Variants in C5orf52 observed in about 807,000 individuals in gnomAD.
C5orf52 encodes chromosome 5 open reading frame 52, also known as uncharacterized protein C5orf52.
In C5orf52, 15 loss-of-function variants were observed where a neutral mutation model predicts 16.8. The ratio of observed to expected loss-of-function variants is 0.89; its 90% confidence interval spans 0.60 to 1.38. The LOEUF is 1.38. Ranked by LOEUF, C5orf52 falls within the 40% of genes most tolerant of loss-of-function variation. The pLI, the probability that C5orf52 is intolerant of heterozygous loss-of-function variation, is 0.00. For synonymous variants in C5orf52, 83 were observed against 87.2 expected (o/e 0.95, Z 0.27); for missense variants, 206 against 213.1 (o/e 0.97, Z 0.21).
chr5:157,679,987 A>T lies in C5orf52; in HGVS notation c.468A>T (p.Pro156=). The T allele has an allele frequency of 6.4e-7, 1 of 1,551,372 alleles. No individual in the cohort carries two copies. The highest frequency in any genetic ancestry group is 8.7e-7 in the Non-Finnish European group (1 of 1,146,914). Residue 156 remains proline (P), a synonymous_variant, in exon 3 of 3, where the codon CCA becomes CCT. Transcript: ENST00000409999. The stretch of plus-strand genomic sequence containing the variant: ...ACCGGTACTTAACCTTCGGGATACC[A>T]CCACCAGTTTAAACTCCAGTCTCCC... ...NSNRYLTFGI[P]PPV is the part of the protein sequence containing the mutation.
rs1759871481 is a variant in C5orf52, at chr5:157,675,127, CTT to C, written c.250_251del (p.Leu84ThrfsTer12). 6.4e-7 allele frequency: 1 copy of C among 1,551,434 alleles called. No individual in the cohort carries two copies. The highest frequency in any genetic ancestry group is 1.4e-5 in the African/African-American group (1 of 73,046). ...TCCAGTGAAGCAGCGATGAAAAAAA[CTT>C]TACCCAAGAGCCATTTATCTCGGGT... On this transcript the variant is annotated frameshift_variant, in exon 2 of 3. Coordinates refer to ENST00000409999, the MANE Select transcript of C5orf52 (RefSeq NM_001145132.2). LOFTEE classifies it high-confidence loss of function.
At chr5:157,676,638 T>C (rs1371673092) in intron 2 of C5orf52, among the ~76,000 whole-genome samples, 1 of 152,218 alleles carries the variant, frequency 6.6e-6, no homozygotes, top group Non-Finnish European at 1.5e-5. Context: ...CAGACTCTGC[T>C]TTCTCATTTG....
intron 1 of C5orf52, among the ~76,000 whole-genome samples, chr5:157,672,344 C>G (rs1237923005): frequency 2.0e-5 from 3 of 152,242 alleles, no homozygotes; most frequent in Middle Eastern, 3.4e-3. Context: ...CCACAAACCC[C>G]CCTCACTGCA....
chr5:157,672,194 C>G (rs2113864112), intron 1 of C5orf52, among the ~76,000 whole-genome samples: 1 of 152,226 alleles, frequency 6.6e-6, no homozygotes, highest in South Asian at 2.1e-4. Context: ...CCTGGCGAGG[C>G]CCAGGTCCTC....
At chr5:157,671,120 G>C (rs1759772714), upstream of C5orf52, among the ~76,000 whole-genome samples, 1 of 152,188 alleles carries the variant, frequency 6.6e-6, no homozygotes, top group African/African-American at 2.4e-5. Context: ...CACCAGTCTT[G>C]ATCCTGGAGC....
At position 157,679,559 on chromosome 5, in the gene C5orf52, A is replaced by T. The variant is rs7712625; in HGVS notation, c.322-282A>T. Among the ~76,000 whole-genome samples the T allele has an allele frequency of 2.4e-3, 365 of 151,690 alleles. 3 individuals carry two copies. Among genetic ancestry groups the T allele is most frequent in the African/African-American group, 8.5e-3 (352 of 41,364 alleles). ...ACCTTGTTGGCCAGGCTGCTCTCAA[A>T]CTCCTGACTTCAAGTGATCCACCCT... On this transcript the variant is annotated intron_variant, in intron 2 of 2. Transcript: ENST00000409999.
chr5:157,678,603 C>T (rs564271464), intron 2 of C5orf52, among the ~76,000 whole-genome samples: 2 of 152,282 alleles, frequency 1.3e-5, no homozygotes, highest in South Asian at 2.1e-4. Flanking sequence ...ATTACAGGCA[C>T]ATGCCACCAC....
chr5:157,677,503 A>G (rs914542315), intron 2 of C5orf52, among the ~76,000 whole-genome samples: 3 of 151,926 alleles, frequency 2.0e-5, no homozygotes, highest in African/African-American at 7.3e-5. Flanking sequence ...AAAAATAGAA[A>G]ACTAGCCAGG....
chr5:157,674,541 G>A (rs1759860280), intron 1 of C5orf52, among the ~76,000 whole-genome samples: 1 of 152,190 alleles, frequency 6.6e-6, no homozygotes, highest in Admixed American at 6.5e-5. Flanking sequence ...GCTGAGGTGG[G>A]TGTATCTCTT....
chr5:157,674,674 A>C (rs1759862382), intron 1 of C5orf52, among the ~76,000 whole-genome samples: 1 of 152,184 alleles, frequency 6.6e-6, no homozygotes. Flanking sequence ...AGGCCGAGGC[A>C]GGAGAATTGC....
chr5:157,675,596 G>A (rs1759878419), intron 2 of C5orf52, among the ~76,000 whole-genome samples: 1 of 152,108 alleles, frequency 6.6e-6, no homozygotes, highest in Admixed American at 6.5e-5. Context: ...TTGAGGTCAG[G>A]AATTCGAGAC....
In C5orf52 at chr5:157,675,097, T is replaced by C. The variant is rs1417036313; in HGVS notation, c.218T>C (p.Met73Thr). 3 of 1,549,276 alleles carry C rather than the reference T, an allele frequency of 1.9e-6. No homozygotes were observed. In the South Asian group the frequency reaches 3.6e-5, roughly 18 times the overall value. The change falls in exon 2 of 3, where the codon ATG becomes ACG. Residue 73 changes from methionine (M) to threonine (T), a missense_variant. Met to Thr is a moderately conservative substitution (Grantham distance 81). Coordinates refer to ENST00000409999, the MANE Select transcript of C5orf52 (RefSeq NM_001145132.2). ...CCTTTCCCTCCCTGCTCCAGCTTAA[T>C]GAATTCCAGTGAAGCAGCGATGAAA... ...SAQQPVLFSL[M>T]NSSEAAMKKT...
At chr5:157,678,931 G>A (rs549804232) in intron 2 of C5orf52, among the ~76,000 whole-genome samples, 3 of 152,048 alleles carry the variant, frequency 2.0e-5, no homozygotes, top group Non-Finnish European at 2.9e-5. Flanking sequence ...TCAGGAGATC[G>A]AGACCATCCT....
intron 1 of C5orf52, 100 bp from the exon 2 acceptor site, chr5:157,674,992 C>T (rs1759869105): frequency 1.5e-6 from 1 of 683,212 alleles, no homozygotes; most frequent in South Asian, 1.9e-5. Context: ...CCCAAGAAAC[C>T]CGGGGAAGCC....
intron 2 of C5orf52, among the ~76,000 whole-genome samples, chr5:157,678,130 C>T (rs1003093027): frequency 3.9e-5 from 6 of 152,190 alleles, no homozygotes; most frequent in South Asian, 4.1e-4. Flanking sequence ...TTGGGGCCTA[C>T]GTTTCTATCA....
At chr5:157,676,006 C>T (rs1294810150) in intron 2 of C5orf52, among the ~76,000 whole-genome samples, 1 of 152,106 alleles carries the variant, frequency 6.6e-6, no homozygotes, top group Admixed American at 6.6e-5. Flanking sequence ...GACAAGTGAA[C>T]AAGATGGACT....
At chr5:157,679,091 G>T (rs1481190453) in intron 2 of C5orf52, among the ~76,000 whole-genome samples, 1 of 151,086 alleles carries the variant, frequency 6.6e-6, no homozygotes, top group African/African-American at 2.4e-5. Flanking sequence ...CTGAGATCGC[G>T]CCACTGCACT....
rs1452716519 is a variant in C5orf52, at chr5:157,677,667, AAAG to A, written c.322-2171_322-2169del. On this transcript the variant is annotated intron_variant, in intron 2 of 2. Transcript: ENST00000409999. Reference sequence around the variant, plus strand: ...GAAACTCCCTCTCAAAAAAAAAAAAAAAGAAAAGAAAAGAAAAGAAAATGGTGG... The same window carrying A: ...GAAACTCCCTCTCAAAAAAAAAAAAAAAAAGAAAAGAAAAGAAAATGGTGG... Among the ~76,000 whole-genome samples, 621 of 141,630 alleles carry A rather than the reference AAAG, an allele frequency of 4.4e-3. 3 individuals are homozygous for A. Among genetic ancestry groups the A allele is most frequent in the African/African-American group, 0.016 (574 of 35,142 alleles). The allele number at this position is 141,630 out of a possible 152,430, so 92.9% of individuals were successfully genotyped here. A position where few individuals can be genotyped will look rare whatever the true frequency, so the allele number is the denominator to read the frequency against.
chr5:157,676,809 G>A (rs142859371), intron 2 of C5orf52, among the ~76,000 whole-genome samples: 4 of 151,940 alleles, frequency 2.6e-5, no homozygotes, highest in Non-Finnish European at 5.9e-5. Flanking sequence ...ACTACCACCA[G>A]GTATGTCTTC....
Sources: allele counts gnomAD v4.1 joint callset (sites outside exome capture counted in the v4.1 genomes callset), GRCh38; gene constraint gnomAD v4.1.1; transcripts MANE v1.5; gene names NCBI Gene and HGNC (gene_info 2026-07-23, HGNC 2026-07-21).